SERGEF: variants seen among roughly 807,000 people sequenced by gnomAD.
SERGEF encodes the protein secretion-regulating guanine nucleotide exchange factor.
In SERGEF, 51 loss-of-function variants were observed where a neutral mutation model predicts 50.0. The observed-to-expected ratio is 1.02, with a 90% CI of 0.81 to 1.29. The LOEUF is 1.29. SERGEF is among the 50% of genes most tolerant of loss of function. The pLI is 0.00. For missense variants in SERGEF, 521 were observed against 557.0 expected (o/e 0.94, Z 0.65); for synonymous variants, 205 against 212.4 (o/e 0.97, Z 0.30).
Position 17,884,097 on chromosome 11 carries a change from G to T in SERGEF, c.1012-5853C>A, listed in dbSNP as rs1487895392. ...CTCTACCAGAGAGGGGTAGCCAGCCGCAGCCCAAAGGCCACCCAGGGTGCC... is the reference window on the plus strand; with the variant it reads ...CTCTACCAGAGAGGGGTAGCCAGCCTCAGCCCAAAGGCCACCCAGGGTGCC... On this transcript the variant is annotated intron_variant, in intron 9 of 10. Coordinates refer to ENST00000265965, the MANE Select transcript of SERGEF (RefSeq NM_012139.4). This position sits in a 1 kb window ranked among gnomAD's most constrained non-coding sequence, Gnocchi z 4.6. Among the ~76,000 whole-genome samples, 1 of 152,164 alleles carries T rather than the reference G, an allele frequency of 6.6e-6. No individual in the cohort carries two copies. Among genetic ancestry groups the T allele is most frequent in the East Asian group, 1.9e-4 (1 of 5,180 alleles).
intron 9 of SERGEF, among the ~76,000 whole-genome samples, chr11:17,905,313 AT>A (rs1325924200): frequency 1.3e-5 from 2 of 152,210 alleles, no homozygotes; most frequent in East Asian, 1.9e-4. Flanking sequence ...TATTGAAACA[AT>A]TTTTAGTCAC....
At chr11:17,897,159 T>G (rs1397336671) in intron 9 of SERGEF, among the ~76,000 whole-genome samples, 1 of 152,196 alleles carries the variant, frequency 6.6e-6, no homozygotes, top group Non-Finnish European at 1.5e-5. Context: ...GATGTGGTGC[T>G]ACATAAAAGA....
chr11:17,857,185 T>A (rs1330434210), intron 10 of SERGEF, among the ~76,000 whole-genome samples: 1 of 152,034 alleles, frequency 6.6e-6, no homozygotes, highest in African/African-American at 2.4e-5. Flanking sequence ...TCCAGAGGGG[T>A]GTAATGTGCC....
At chr11:18,012,623 C>T (rs1854219807) in intron 1 of SERGEF, 1 of 1,175,814 alleles carries the variant, frequency 8.5e-7, no homozygotes, top group Non-Finnish European at 1.1e-6. Flanking sequence ...CCGAGCCCTC[C>T]GCGCTGTCTT....
chr11:17,878,193 A>G lies in SERGEF; in HGVS notation c.1048+15T>C. ...ATTTTCAGAAGAAACAGTTATCAGT[A>G]TAAAAATTACTTACCAATTATTGCC... On this transcript the variant is annotated intron_variant, in intron 10 of 10. Coordinates refer to ENST00000265965, the MANE Select transcript of SERGEF (RefSeq NM_012139.4). 1 of 1,560,346 alleles carries G rather than the reference A, an allele frequency of 6.4e-7. No homozygotes were observed. The highest frequency in any genetic ancestry group is 8.8e-7 in the Non-Finnish European group (1 of 1,137,060).
chr11:17,893,255 C>T (rs953758424), intron 9 of SERGEF, among the ~76,000 whole-genome samples: 3 of 152,176 alleles, frequency 2.0e-5, no homozygotes, highest in Admixed American at 6.5e-5. Context: ...GGCTCATGGA[C>T]ATTAAAAGCC....
At chr11:17,883,016 G>A (rs1851363886) in intron 9 of SERGEF, among the ~76,000 whole-genome samples, 1 of 152,208 alleles carries the variant, frequency 6.6e-6, no homozygotes, top group Non-Finnish European at 1.5e-5. Flanking sequence ...AGAAGCAAAG[G>A]TGGCTGTGGA....
rs1184507323 is a variant in SERGEF, at chr11:17,939,754, GGCCA to G, written c.1011+19712_1011+19715del. On this transcript the variant is annotated intron_variant, in intron 9 of 10. Transcript: ENST00000265965. Reference sequence around the variant, plus strand: ...CCCAAAAGTGCAAACACAAAGCAAAGGCCAGCCTTTGGGTCAAATCCATAGCTCC... The same window carrying G: ...CCCAAAAGTGCAAACACAAAGCAAAGGCCTTTGGGTCAAATCCATAGCTCC... 3.9e-5 allele frequency: 6 copies of G among 152,304 alleles called. No individual in the cohort carries two copies. In the East Asian group the frequency reaches 1.2e-3, roughly 29 times the overall value. 9.4% of individuals were successfully genotyped at this position (152,304 alleles called of 1,614,324 possible). A position where few individuals can be genotyped will look rare whatever the true frequency, so the allele number is the denominator to read the frequency against.
intron 10 of SERGEF, among the ~76,000 whole-genome samples, chr11:17,852,081 T>G (rs1850724552): frequency 6.6e-6 from 1 of 152,226 alleles, no homozygotes; most frequent in South Asian, 2.1e-4. Flanking sequence ...TAAAAACTGC[T>G]GAGAGTCTAA....
chr11:17,975,781 C>A (rs1461411216), intron 8 of SERGEF, among the ~76,000 whole-genome samples: 10 of 152,186 alleles, frequency 6.6e-5, no homozygotes, highest in Admixed American at 6.5e-4. Context: ...CAGAGTAACG[C>A]CTCAACAAGG....
intron 5 of SERGEF, among the ~76,000 whole-genome samples, chr11:17,998,428 CATACATACATACAT>C (rs1393104218): frequency 6.0e-4 from 6 of 10,072 alleles, no homozygotes; most frequent in East Asian, 2.8e-3. Context: ...AAAATACATA[CATACATACATACAT>C]ATATATATAT....
At chr11:17,958,652 C>A (rs1012788835) in intron 9 of SERGEF, among the ~76,000 whole-genome samples, 1 of 152,082 alleles carries the variant, frequency 6.6e-6, no homozygotes, top group East Asian at 1.9e-4. Context: ...TCTGATATTA[C>A]CTCATAACTG....
intron 9 of SERGEF, among the ~76,000 whole-genome samples, chr11:17,928,190 G>T (rs887142655): frequency 2.0e-5 from 3 of 152,188 alleles, no homozygotes; most frequent in African/African-American, 7.2e-5. Context: ...CAGCAAGGAG[G>T]TCACCTCTGT....
intron 8 of SERGEF, among the ~76,000 whole-genome samples, chr11:17,973,792 T>A (rs780430754): frequency 1.6e-4 from 25 of 152,266 alleles, no homozygotes; most frequent in African/African-American, 6.0e-4. Flanking sequence ...AACTGAGCGG[T>A]GGACATGGTC....
intron 10 of SERGEF, among the ~76,000 whole-genome samples, chr11:17,790,289 ATC>A (rs1849460052): frequency 6.6e-6 from 1 of 151,746 alleles, no homozygotes; most frequent in East Asian, 1.9e-4. Flanking sequence ...AAATATTGTG[ATC>A]TGTTTAGTTT....
intron 8 of SERGEF, among the ~76,000 whole-genome samples, chr11:17,973,187 TG>T (rs1853288299): frequency 6.6e-6 from 1 of 152,158 alleles, no homozygotes; most frequent in Non-Finnish European, 1.5e-5. Flanking sequence ...GCAGAGGAGC[TG>T]CTTGAGTTCC....
At chr11:18,008,185 A>C in intron 1 of SERGEF, 109 bp from the exon 2 acceptor site, 1 of 1,126,714 alleles carries the variant, frequency 8.9e-7, no homozygotes, top group Non-Finnish European at 1.2e-6. Context: ...ACCCTGTAAC[A>C]GATGAGATTT....
At chr11:18,007,102 G>A (rs1323333378) in intron 2 of SERGEF, among the ~76,000 whole-genome samples, 4 of 152,172 alleles carry the variant, frequency 2.6e-5, no homozygotes, top group African/African-American at 9.7e-5. Flanking sequence ...AGTGTCTAGG[G>A]CCCACAATGC....
intron 10 of SERGEF, among the ~76,000 whole-genome samples, chr11:17,817,576 C>G (rs1433647209): frequency 6.6e-6 from 1 of 152,116 alleles, no homozygotes; most frequent in Non-Finnish European, 1.5e-5. Context: ...ATCATTACAC[C>G]CATTTTACAG....
Sources: gnomAD v4.1 joint callset for allele counts (sites outside exome capture counted in the v4.1 genomes callset) on GRCh38, gnomAD v4.1.1 for gene constraint, Gnocchi (gnomAD v3.1) non-coding constraint, MANE v1.5 for transcripts, NCBI Gene and HGNC (gene_info 2026-07-23, HGNC 2026-07-21) for gene names.